Variants in EYA1 observed in about 807,000 individuals in gnomAD.
The protein encoded by EYA1 is EYA transcriptional coactivator and phosphatase 1.
EYA1 carries 16 observed loss-of-function variants against 82.0 expected under a neutral mutation model. The ratio of observed to expected loss-of-function variants is 0.20; its 90% CI spans 0.13 to 0.30. EYA1 has a LOEUF of 0.30. EYA1 is among the 10% of genes least tolerant of loss of function. The pLI, the probability that EYA1 is intolerant of heterozygous loss-of-function variation, is 1.00. For missense variants in EYA1, 633 were observed against 730.7 expected (o/e 0.87, Z 1.54); for synonymous variants, 261 against 264.4 (o/e 0.99, Z 0.12).
At chr8:71,523,114 C>T (rs1813525710) in intron 2 of EYA1, among the ~76,000 whole-genome samples, 2 of 150,724 alleles carry the variant, frequency 1.3e-5, no homozygotes, top group African/African-American at 2.4e-5. Flanking sequence ...ACAAGAATTT[C>T]GGGCCTGGTC....
chr8:71,388,830 T>C (rs1768120303), intron 2 of EYA1, among the ~76,000 whole-genome samples: 1 of 152,066 alleles, frequency 6.6e-6, no homozygotes, highest in African/African-American at 2.4e-5. Flanking sequence ...ATGAATTGAA[T>C]TAGACATATA....
At chr8:71,460,431 T>G (rs1054985103) in intron 2 of EYA1, among the ~76,000 whole-genome samples, 1 of 152,172 alleles carries the variant, frequency 6.6e-6, no homozygotes, top group Non-Finnish European at 1.5e-5. Context: ...CTTATCTTTG[T>G]CTGGAGTGGG....
At chr8:71,281,352 TC>T (rs1308264519) in intron 9 of EYA1, among the ~76,000 whole-genome samples, 1 of 152,202 alleles carries the variant, frequency 6.6e-6, no homozygotes, top group African/African-American at 2.4e-5. Context: ...GGCACCTTTC[TC>T]CTCCTACAGC....
intron 7 of EYA1, 51 bp from the exon 8 acceptor site, chr8:71,299,771 T>TGGG: frequency 1.0e-6 from 1 of 967,172 alleles, no homozygotes; most frequent in Non-Finnish European, 1.7e-6. Context: ...TGGAATAATG[T>TGGG]GGGTACAGGA....
intron 2 of EYA1, among the ~76,000 whole-genome samples, chr8:71,517,444 C>T (rs1222745954): frequency 6.6e-6 from 1 of 151,696 alleles, no homozygotes; most frequent in Non-Finnish European, 1.5e-5. Context: ...GATCATATAA[C>T]TTATCCAGAT....
At chr8:71,502,635 C>T (rs977522783) in intron 2 of EYA1, among the ~76,000 whole-genome samples, 1 of 152,214 alleles carries the variant, frequency 6.6e-6, no homozygotes, top group Non-Finnish European at 1.5e-5. Flanking sequence ...TTTTATCTGG[C>T]AACTCTAGTG....
chr8:71,535,804 G>T, exon 2 of EYA1: 1 of 1,476,338 alleles, frequency 6.8e-7, no homozygotes, highest in Non-Finnish European at 9.0e-7. Flanking sequence ...TTATGTATGG[G>T]CTATTAGCTA....
chr8:71,416,914 C>A (rs1409386339), intron 2 of EYA1, among the ~76,000 whole-genome samples: 3 of 152,170 alleles, frequency 2.0e-5, no homozygotes, highest in Non-Finnish European at 2.9e-5. Context: ...GAGGGTGTTG[C>A]CAAAGGAGAT....
chr8:71,437,055 C>T (rs968398090), intron 2 of EYA1, among the ~76,000 whole-genome samples: 2 of 144,768 alleles, frequency 1.4e-5, no homozygotes, highest in Non-Finnish European at 1.5e-5. Flanking sequence ...TGTATATCTA[C>T]ATATATATAT....
chr8:71,296,879 C>T (rs1004189587), intron 9 of EYA1, among the ~76,000 whole-genome samples: 2 of 152,032 alleles, frequency 1.3e-5, no homozygotes, highest in African/African-American at 4.8e-5. Context: ...CCTGAATCTG[C>T]GGTCTTTTCA....
intron 2 of EYA1, among the ~76,000 whole-genome samples, chr8:71,468,913 T>G (rs1808972852): frequency 6.6e-6 from 1 of 152,156 alleles, no homozygotes; most frequent in Admixed American, 6.6e-5. Context: ...GCATTACGTC[T>G]TATTTTTCTC....
rs567642319 is a variant in EYA1 at position 71,399,642 on chromosome 8, A to G, written c.34-43131T>C. Among the ~76,000 whole-genome samples the G allele has an allele frequency of 1.2e-4, 18 of 152,330 alleles. No individual in the cohort carries two copies. In the East Asian group the frequency reaches 3.1e-3, roughly 26 times the overall value. ...AAACCAGTGCTCAAGGAAATCAGAG[A>G]GGACACAAACAAATGGAATAACATT... is the stretch of plus-strand genomic sequence containing the variant. On this transcript the variant is annotated intron_variant, in intron 2 of 18. Transcript: ENST00000643681.
At chr8:71,296,509 T>A (rs1027436316) in intron 9 of EYA1, among the ~76,000 whole-genome samples, 1 of 151,496 alleles carries the variant, frequency 6.6e-6, no homozygotes. Context: ...TTGTCCCTAC[T>A]GCATAATATA....
At chr8:71,368,581 C>T (rs1827894853) in intron 2 of EYA1, among the ~76,000 whole-genome samples, 2 of 152,104 alleles carry the variant, frequency 1.3e-5, no homozygotes, top group African/African-American at 2.4e-5. Context: ...GAATGACAGC[C>T]TATGACTTAA....
chr8:71,262,195 T>C (rs552181799), intron 11 of EYA1, among the ~76,000 whole-genome samples: 7 of 152,212 alleles, frequency 4.6e-5, no homozygotes, highest in Non-Finnish European at 1.0e-4. Flanking sequence ...GGATAATAAG[T>C]GTGAGATAGC....
chr8:71,446,692 G>C (rs1349185015), intron 2 of EYA1, among the ~76,000 whole-genome samples: 2 of 152,048 alleles, frequency 1.3e-5, no homozygotes, highest in Admixed American at 1.3e-4. Context: ...TTGAATTATT[G>C]CAACAGCTGT....
Position 71,389,776 on chromosome 8 carries a change from C to T in EYA1, c.34-33265G>A, listed in dbSNP as rs73684795. ...TCCAGTTACTAGCAGAGTTTTCTTG[C>T]TGTCCACCAGAAAGACCCCTTTACA... On this transcript the variant is annotated intron_variant, in intron 2 of 18. Coordinates refer to the EYA1 transcript ENST00000643681. Among the ~76,000 whole-genome samples, 986 of 152,290 alleles carry T rather than the reference C, an allele frequency of 6.5e-3. 14 individuals are homozygous for T. Among genetic ancestry groups the T allele is most frequent in the African/African-American group, 0.023 (936 of 41,550 alleles).
chr8:71,332,843 G>A (rs531908847), intron 4 of EYA1, among the ~76,000 whole-genome samples: 22 of 152,256 alleles, frequency 1.4e-4, no homozygotes, highest in Admixed American at 9.2e-4. Context: ...GTTCCCCAAA[G>A]ATCCACGCCC....
intron 5 of EYA1, 100 bp from the exon 6 acceptor site, chr8:71,321,979 T>A (rs1822611648): frequency 1.3e-6 from 2 of 1,508,326 alleles, no homozygotes; most frequent in African/African-American, 1.4e-5. Context: ...AAATATTGTA[T>A]CTTAAAGTAA....
Sources: gnomAD v4.1 joint callset for allele counts (sites outside exome capture counted in the v4.1 genomes callset) on GRCh38, gnomAD v4.1.1 for gene constraint, MANE v1.5 for transcripts, NCBI Gene and HGNC (gene_info 2026-07-23, HGNC 2026-07-21) for gene names.